The following MAGI2 variants were observed in gnomAD, a reference collection of about 807,000 sequenced individuals.
MAGI2 encodes the protein membrane associated guanylate kinase, WW and PDZ domain containing 2.
Under a neutral mutation model 133.3 loss-of-function variants are expected in MAGI2, and 35 were observed. The ratio of observed to expected loss-of-function variants is 0.26; its 90% CI spans 0.20 to 0.35. The LOEUF is 0.35. Ranked by LOEUF, MAGI2 falls within the 10% of genes least tolerant of loss-of-function variation. The probability of loss-of-function intolerance (pLI) is 1.00; values close to 1 mark genes in which losing one functional copy is unlikely to be tolerated. For missense variants in MAGI2, 1,636 were observed against 1,863.4 expected, an observed-to-expected ratio of 0.88 and a Z score of 2.25; for synonymous variants, 729 against 710.6, an observed-to-expected ratio of 1.03 and a Z score of -0.41.
At chr7:79,044,110 A>G (rs1379999843) in intron 1 of MAGI2, among the ~76,000 whole-genome samples, 2 of 152,150 alleles carry the variant, frequency 1.3e-5, no homozygotes, top group Non-Finnish European at 2.9e-5. Context: ...AAAAACCTGT[A>G]GAGATACAAC....
At chr7:78,269,730 C>T (rs1417966561) in intron 9 of MAGI2, among the ~76,000 whole-genome samples, 2 of 152,150 alleles carry the variant, frequency 1.3e-5, no homozygotes, top group Non-Finnish European at 2.9e-5. Context: ...TGCCTGTTCA[C>T]CCTGATGATA....
At chr7:78,661,416 G>T (rs533833993) in intron 2 of MAGI2, among the ~76,000 whole-genome samples, 2 of 152,120 alleles carry the variant, frequency 1.3e-5, no homozygotes, top group South Asian at 4.1e-4. Flanking sequence ...AACTCTTCAG[G>T]TCCCTAACTC....
In MAGI2 at chr7:78,255,966, G is replaced by A; in HGVS notation, c.2024C>T (p.Thr675Ile). The change falls in exon 10 of 22, where the codon ACT (threonine) becomes ATT (isoleucine). Residue 675 changes from threonine to isoleucine, a missense_variant. Thr to Ile is a moderately conservative substitution (Grantham distance 89, BLOSUM62 -1). Coordinates refer to ENST00000354212, the MANE Select transcript of MAGI2 (RefSeq NM_012301.4). ...ACCTCCTCGATGGATAATCAAAGAAGTTTCACTTCCAATGGGACAGTCCTT... is the reference window on the plus strand; with the variant it reads ...ACCTCCTCGATGGATAATCAAAGAAATTTCACTTCCAATGGGACAGTCCTT... ...ILKDCPIGSE[T>I]SLIIHRGGFF... The A allele has an allele frequency of 6.2e-7, 1 of 1,613,784 alleles. No individual in the cohort carries two copies. The highest frequency in any genetic ancestry group is 1.3e-5 in the African/African-American group (1 of 75,048).
At chr7:79,010,140 ATG>A (rs1215416309) in intron 1 of MAGI2, among the ~76,000 whole-genome samples, 1 of 152,078 alleles carries the variant, frequency 6.6e-6, no homozygotes, top group Non-Finnish European at 1.5e-5. Flanking sequence ...TGTATAATAC[ATG>A]TGTGTATACA....
At chr7:78,039,636 A>G (rs1164716012) in intron 21 of MAGI2, 1 of 152,200 alleles carries the variant, frequency 6.6e-6, no homozygotes, top group African/African-American at 2.4e-5. Flanking sequence ...GTGGGCCTTC[A>G]GAGCAGAAAG....
At chr7:79,025,240 C>G (rs868585361) in intron 1 of MAGI2, among the ~76,000 whole-genome samples, 2 of 152,110 alleles carry the variant, frequency 1.3e-5, no homozygotes, top group Non-Finnish European at 2.9e-5. Context: ...CCTAAACAAA[C>G]TAACACAGGA....
chr7:79,271,431 C>G (rs1462731787), intron 1 of MAGI2, among the ~76,000 whole-genome samples: 4 of 152,054 alleles, frequency 2.6e-5, no homozygotes, highest in African/African-American at 9.7e-5. Flanking sequence ...AAATCTGGCA[C>G]CTCTGACACA....
intron 6 of MAGI2, among the ~76,000 whole-genome samples, chr7:78,460,654 T>C (rs913790854): frequency 6.6e-6 from 1 of 152,194 alleles, no homozygotes; most frequent in Non-Finnish European, 1.5e-5. Flanking sequence ...ACAAAGGATA[T>C]CTGAATACCT....
intron 6 of MAGI2, 99 bp downstream of exon 6, chr7:78,489,662 T>C: frequency 1.2e-6 from 1 of 852,290 alleles, no homozygotes; most frequent in Admixed American, 2.1e-5. Flanking sequence ...TAAAATTGTT[T>C]CAGCTAGATT....
chr7:78,604,024 A>T (rs951282338), intron 3 of MAGI2, among the ~76,000 whole-genome samples: 1 of 148,420 alleles, frequency 6.7e-6, no homozygotes, highest in African/African-American at 2.5e-5. Context: ...ACATAAAATC[A>T]AACATACAAT....
intron 3 of MAGI2, among the ~76,000 whole-genome samples, chr7:78,569,262 C>T (rs1009923363): frequency 1.3e-5 from 2 of 152,252 alleles, no homozygotes; most frequent in Admixed American, 1.3e-4. Context: ...CCATAAAATA[C>T]AAGCTTTATG....
At chr7:78,548,864 A>C (rs1799096615) in intron 3 of MAGI2, among the ~76,000 whole-genome samples, 2 of 152,190 alleles carry the variant, frequency 1.3e-5, no homozygotes, top group Non-Finnish European at 2.9e-5. Flanking sequence ...TAATAATCCA[A>C]AGTCTATATT....
intron 2 of MAGI2, among the ~76,000 whole-genome samples, chr7:78,993,807 C>T (rs965558337): frequency 4.6e-5 from 7 of 151,644 alleles, no homozygotes; most frequent in African/African-American, 1.7e-4. Flanking sequence ...TGTTTTGCTT[C>T]GTGAAATAGA....
At chr7:78,422,669 T>C (rs1173908221) in intron 6 of MAGI2, among the ~76,000 whole-genome samples, 1 of 152,180 alleles carries the variant, frequency 6.6e-6, no homozygotes, top group Non-Finnish European at 1.5e-5. Flanking sequence ...AAAGGAACTT[T>C]CTCAAAGTTG....
chr7:79,057,154 T>C (rs1813222167), intron 1 of MAGI2, among the ~76,000 whole-genome samples: 1 of 152,218 alleles, frequency 6.6e-6, no homozygotes, highest in African/African-American at 2.4e-5. Context: ...AGTGTAAGTA[T>C]AAAGACTATT....
chr7:79,021,570 T>G (rs1359087370), intron 1 of MAGI2, among the ~76,000 whole-genome samples: 1 of 152,222 alleles, frequency 6.6e-6, no homozygotes, highest in African/African-American at 2.4e-5. Flanking sequence ...CGGTAGCCCT[T>G]GTTTAGGCCA....
At chr7:78,213,722 A>G (rs1282741378) in intron 10 of MAGI2, among the ~76,000 whole-genome samples, 1 of 152,188 alleles carries the variant, frequency 6.6e-6, no homozygotes, top group Non-Finnish European at 1.5e-5. Context: ...CCATTTTTGT[A>G]GGTTACTTTG....
At chr7:78,293,607 G>A (rs1272176234) in intron 9 of MAGI2, among the ~76,000 whole-genome samples, 2 of 152,084 alleles carry the variant, frequency 1.3e-5, no homozygotes, top group Non-Finnish European at 2.9e-5. Flanking sequence ...AGGATTATAA[G>A]TCATGCTGCT....
At chr7:79,418,949 A>T in intron 1 of MAGI2, among the ~76,000 whole-genome samples, 1 of 151,882 alleles carries the variant, frequency 6.6e-6, no homozygotes, top group East Asian at 1.9e-4. Flanking sequence ...TTTAACTTTT[A>T]TCTAAAATTA....
Sources: allele counts gnomAD v4.1 joint callset (sites outside exome capture counted in the v4.1 genomes callset), GRCh38; gene constraint gnomAD v4.1.1; transcripts MANE v1.5; gene names NCBI Gene and HGNC (gene_info 2026-07-23, HGNC 2026-07-21).